Variants in ZNF185 observed in about 807,000 individuals in gnomAD.
ZNF185 encodes zinc finger protein 185.
ZNF185 carries 56 observed loss-of-function variants against 58.6 expected under a neutral mutation model. That is an observed-to-expected ratio of 0.95 (90% CI 0.77 to 1.19). ZNF185 has a LOEUF of 1.19. Ranked by LOEUF, ZNF185 falls within the 50% of genes most tolerant of loss-of-function variation. The pLI, the probability that ZNF185 is intolerant of heterozygous loss-of-function variation, is 0.00. For synonymous variants in ZNF185, 230 were observed against 215.9 expected (o/e 1.07, Z -0.57); for missense variants, 627 against 573.5 (o/e 1.09, Z -0.95).
chrX:152,946,504 A>G lies in ZNF185; in HGVS notation c.1409+1040A>G, dbSNP rs200963612. ...TCCCAGTCCAAAAACAGAGTGAACA[A>G]CTTTGGACTTGCTGTCACATTGTGT... On this transcript the variant is annotated intron_variant, in intron 16 of 22. Coordinates refer to ENST00000449285, the Ensembl canonical transcript of ZNF185. Among the ~76,000 whole-genome samples the G allele has an allele frequency of 5.3e-5, 6 of 112,309 alleles. No individual in the cohort carries two copies. In the East Asian group the frequency reaches 1.4e-3, roughly 26 times the overall value.
At chrX:152,907,039 G>A in the ZNF185 span, among the ~76,000 whole-genome samples, 1 of 111,323 alleles carries the variant, frequency 9.0e-6, no homozygotes, top group Non-Finnish European at 1.9e-5. Context: ...GCTTCTCTGG[G>A]AGGTGCCGCC....
chrX:152,933,679 T>C (rs2045958364), intron 14 of ZNF185, among the ~76,000 whole-genome samples: 1 of 112,105 alleles, frequency 8.9e-6, no homozygotes, highest in Non-Finnish European at 1.9e-5. Context: ...TATGCTAGAG[T>C]CCTTCTGGTT....
intron 7 of ZNF185, 138 bp from the exon 9 acceptor site, chrX:152,920,190 C>A (rs1939413873): frequency 2.1e-6 from 1 of 472,889 alleles, no homozygotes; most frequent in Non-Finnish European, 3.6e-6. Flanking sequence ...GTCCTTGGAG[C>A]AGGTGCAAAT....
intron 16 of ZNF185, among the ~76,000 whole-genome samples, chrX:152,952,925 TGAG>T (rs1179899786): frequency 9.8e-6 from 1 of 101,554 alleles, no homozygotes; most frequent in East Asian, 3.0e-4. Context: ...AGGAGGAGGA[TGAG>T]GAGGAGGAAG....
At chrX:152,915,657 G>A (rs1199863772) in intron 3 of ZNF185, among the ~76,000 whole-genome samples, 1 of 112,624 alleles carries the variant, frequency 8.9e-6, no homozygotes, top group Non-Finnish European at 1.9e-5. Context: ...TGCCTGTAGA[G>A]AGGCACGAGT....
At chrX:152,959,215 C>G (rs2049199144) in intron 16 of ZNF185, among the ~76,000 whole-genome samples, 1 of 112,062 alleles carries the variant, frequency 8.9e-6, no homozygotes, top group African/African-American at 3.2e-5. Context: ...CTCCCCTACC[C>G]TTGCCCCTAC....
intron 16 of ZNF185, among the ~76,000 whole-genome samples, chrX:152,954,041 A>G (rs1417970353): frequency 8.9e-6 from 1 of 111,995 alleles, no homozygotes; most frequent in Non-Finnish European, 1.9e-5. Context: ...GTGCCCGACC[A>G]ATACTTTATT....
intron 14 of ZNF185, among the ~76,000 whole-genome samples, chrX:152,937,147 A>G (rs1198070064): frequency 9.0e-6 from 1 of 111,340 alleles, no homozygotes; most frequent in Non-Finnish European, 1.9e-5. Context: ...TAGGTCAGGT[A>G]AGGATACGTC....
chrX:152,931,889 A>T, intron 13 of ZNF185, 113 bp downstream of exon 14: 1 of 616,405 alleles, frequency 1.6e-6, no homozygotes, highest in Non-Finnish European at 2.4e-6. Context: ...AGCTGGGGCC[A>T]GGAAGGTCCT....
chrX:152,939,532 T>G (rs781980045), intron 15 of ZNF185, among the ~76,000 whole-genome samples: 1 of 112,146 alleles, frequency 8.9e-6, no homozygotes, highest in East Asian at 2.8e-4. Flanking sequence ...GAGCCTAGTC[T>G]CAAGACCCAG....
chrX:152,943,643 T>C (rs782143705), intron 15 of ZNF185, among the ~76,000 whole-genome samples: 51 of 112,944 alleles, frequency 4.5e-4, no homozygotes, highest in Admixed American at 2.1e-3. Flanking sequence ...ACAGTGGCCC[T>C]GCCACAGGCC....
At chrX:152,927,917 A>G (rs1275700979) in intron 11 of ZNF185, among the ~76,000 whole-genome samples, 1 of 112,440 alleles carries the variant, frequency 8.9e-6, no homozygotes, top group Non-Finnish European at 1.9e-5. Context: ...CCACCCCCAG[A>G]AAGCCTGGGA....
chrX:152,968,775 A>T (rs1361394520), intron 20 of ZNF185, among the ~76,000 whole-genome samples: 1 of 112,941 alleles, frequency 8.9e-6, no homozygotes, highest in African/African-American at 3.2e-5. Context: ...AGTTACTTTG[A>T]GGAAGTGCAG....
the ZNF185 span, among the ~76,000 whole-genome samples, chrX:152,907,053 G>A: frequency 1.8e-5 from 2 of 110,879 alleles, no homozygotes; most frequent in Non-Finnish European, 3.8e-5. Flanking sequence ...TGCCGCCCTC[G>A]GGGAGTCAGG....
chrX:152,918,887 G>T, intron 6 of ZNF185, 96 bp from the exon 8 acceptor site: 1 of 613,117 alleles, frequency 1.6e-6, no homozygotes, highest in Non-Finnish European at 2.7e-6. Flanking sequence ...CAAAGGCAGA[G>T]ATATTGACTT....
At chrX:152,938,671 A>G (rs1556885118) in intron 15 of ZNF185, among the ~76,000 whole-genome samples, 1 of 110,781 alleles carries the variant, frequency 9.0e-6, no homozygotes, top group Admixed American at 9.5e-5. Context: ...GTACTGTGAT[A>G]TTGGAGTCCA....
intron 14 of ZNF185, among the ~76,000 whole-genome samples, chrX:152,933,859 C>G (rs1433231432): frequency 8.9e-6 from 1 of 112,195 alleles, no homozygotes; most frequent in Admixed American, 9.4e-5. Flanking sequence ...GGGCCCCTTT[C>G]CCTCACTAAC....
At chrX:152,918,852 G>A in intron 6 of ZNF185, 131 bp from the exon 8 acceptor site, 1 of 473,472 alleles carries the variant, frequency 2.1e-6, no homozygotes. Flanking sequence ...GTCTCAGGGA[G>A]GAACAAGTGG....
chrX:152,955,691 C>T (rs1479212155), intron 16 of ZNF185, among the ~76,000 whole-genome samples: 3 of 111,669 alleles, frequency 2.7e-5, no homozygotes, highest in Non-Finnish European at 5.6e-5. Context: ...ATCACGAGCT[C>T]AGGAGATCGA....
Sources: gnomAD v4.1 joint callset for allele counts (sites outside exome capture counted in the v4.1 genomes callset) on GRCh38, gnomAD v4.1.1 for gene constraint, MANE v1.5 for transcripts, NCBI Gene and HGNC (gene_info 2026-07-23, HGNC 2026-07-21) for gene names.